Variants in LZTS1 observed in about 807,000 individuals in gnomAD.
LZTS1 encodes leucine zipper tumor suppressor 1.
In LZTS1, 31 loss-of-function variants were observed where a neutral mutation model predicts 45.8. The observed-to-expected ratio is 0.68, with a 90% CI of 0.51 to 0.91. The LOEUF is 0.91. Ranked by LOEUF, LZTS1 falls within the 40% of genes least tolerant of loss-of-function variation. LZTS1 has a pLI of 0.00. For synonymous variants in LZTS1, 359 were observed against 357.3 expected (o/e 1.00, Z -0.05); for missense variants, 821 against 788.9 (o/e 1.04, Z -0.49).
chr8:20,265,594 G>C (rs1800336769), intron 1 of LZTS1, among the ~76,000 whole-genome samples: 1 of 139,544 alleles, frequency 7.2e-6, no homozygotes, highest in South Asian at 2.3e-4. Context: ...TGGGAGGATT[G>C]CTTCAGGCTA....
chr8:20,297,298 T>C (rs1344231537), intron 1 of LZTS1, among the ~76,000 whole-genome samples: 3 of 152,214 alleles, frequency 2.0e-5, no homozygotes, highest in Non-Finnish European at 4.4e-5. Context: ...GGACTAAACC[T>C]TTTGAATTGA....
At chr8:20,301,594 G>C (rs918275786) in intron 1 of LZTS1, among the ~76,000 whole-genome samples, 1 of 152,074 alleles carries the variant, frequency 6.6e-6, no homozygotes, top group Non-Finnish European at 1.5e-5. Context: ...AAGCGCAAAG[G>C]CATATAAATA....
chr8:20,273,779 T>G (rs375862067), intron 1 of LZTS1, among the ~76,000 whole-genome samples: 1 of 140,954 alleles, frequency 7.1e-6, no homozygotes, highest in African/African-American at 3.2e-5. Flanking sequence ...GTTATATTTG[T>G]TTTTTTTTTT....
At position 20,247,940 on chromosome 8, in the gene LZTS1, T is replaced by C. The variant is rs1389550263; in HGVS notation, c.*1782A>G. ...CTGAGAACAGCAGCTGTGGCTACAG[T>C]CAAAAATAGAACATGGAACAGCCTG... On this transcript the variant is annotated 3_prime_UTR_variant, in exon 4 of 4. Coordinates refer to ENST00000381569, the MANE Select transcript of LZTS1 (RefSeq NM_021020.5). 6.6e-6 allele frequency: 1 copy of C among 152,416 alleles called. No individual in the cohort carries two copies. Among genetic ancestry groups the C allele is most frequent in the African/African-American group, 2.4e-5 (1 of 41,348 alleles). The allele number at this position is 152,416 out of a possible 1,614,324, so 9.4% of individuals were successfully genotyped here. A position where few individuals can be genotyped will look rare whatever the true frequency, so the allele number is the denominator to read the frequency against.
rs79261349 is a variant in LZTS1, at chr8:20,262,392, G to T, written c.-134-7077C>A. Among the ~76,000 whole-genome samples, 21 of 152,322 alleles carry T rather than the reference G, an allele frequency of 1.4e-4. No individual in the cohort carries two copies. The East Asian group carries it at 4.1e-3, about 29-fold the overall frequency. On this transcript the variant is annotated intron_variant, in intron 1 of 3. Coordinates refer to ENST00000381569, the MANE Select transcript of LZTS1 (RefSeq NM_021020.5). Reference sequence around the variant, plus strand: ...TATATTTAGTGAATGGTAGATAAAAGCCAGAGAGACAGGGAGGACAGGTGT... The same window carrying T: ...TATATTTAGTGAATGGTAGATAAAATCCAGAGAGACAGGGAGGACAGGTGT...
In LZTS1 at chr8:20,255,064, C is replaced by G; in HGVS notation, c.118G>C (p.Gly40Arg). Reference protein sequence around the residue: ...HLKKLNRYSDGLLRFGFSQDS... With the variant: ...HLKKLNRYSDRLLRFGFSQDS... Reference sequence around the variant, plus strand: ...TGGGAGAAGCCAAACCTCAGCAGCCCGTCGGAATACCGGTTGAGCTTCTTG... The same window carrying G: ...TGGGAGAAGCCAAACCTCAGCAGCCGGTCGGAATACCGGTTGAGCTTCTTG... Residue 40 changes from glycine (G) to arginine (R), a missense_variant, in exon 2 of 4, where the codon GGG (glycine) becomes CGG (arginine). Coordinates refer to ENST00000381569, the MANE Select transcript of LZTS1 (RefSeq NM_021020.5). 6.2e-7 allele frequency: 1 copy of G among 1,614,162 alleles called. No individual in the cohort carries two copies. Among genetic ancestry groups the G allele is most frequent in the African/African-American group, 1.3e-5 (1 of 75,022 alleles).
chr8:20,264,386 G>A (rs1049108443), intron 1 of LZTS1, among the ~76,000 whole-genome samples: 5 of 152,090 alleles, frequency 3.3e-5, no homozygotes, highest in African/African-American at 1.2e-4. Context: ...TTTATTGGGG[G>A]TCTCAGAAGC....
chr8:20,284,659 C>A (rs552445459), intron 1 of LZTS1, among the ~76,000 whole-genome samples: 1 of 152,058 alleles, frequency 6.6e-6, no homozygotes, highest in African/African-American at 2.4e-5. Flanking sequence ...CTGTGGTTCT[C>A]GCCTCTGCAT....
chr8:20,268,468 G>A (rs1032537865), intron 1 of LZTS1, among the ~76,000 whole-genome samples: 14 of 151,648 alleles, frequency 9.2e-5, no homozygotes, highest in African/African-American at 3.2e-4. Context: ...TCCTCCTCCT[G>A]TTTGTATTCC....
At chr8:20,255,608 G>A (rs1030387094) in intron 1 of LZTS1, among the ~76,000 whole-genome samples, 14 of 152,184 alleles carry the variant, frequency 9.2e-5, no homozygotes, top group African/African-American at 3.4e-4. Context: ...GAGGCCAGAA[G>A]CAAACCAATG....
At chr8:20,260,802 G>A (rs778685419) in intron 1 of LZTS1, among the ~76,000 whole-genome samples, 1 of 152,226 alleles carries the variant, frequency 6.6e-6, no homozygotes, top group Non-Finnish European at 1.5e-5. Flanking sequence ...GCCACCTCCA[G>A]TCCTCCTGAG....
At position 20,249,216 on chromosome 8, in the gene LZTS1, C is replaced by T. The variant is rs1317083629; in HGVS notation, c.*506G>A. On this transcript the variant is annotated 3_prime_UTR_variant, in exon 4 of 4. Coordinates refer to ENST00000381569, the MANE Select transcript of LZTS1 (RefSeq NM_021020.5). ...TTTCAAAGCCAGCTTCCCCGCGGCT[C>T]ATTCCACCCCTACACCTCTGCGGCC... The T allele has an allele frequency of 6.5e-6, 1 of 154,586 alleles. No homozygotes were observed. The highest frequency in any genetic ancestry group is 2.4e-5 in the African/African-American group (1 of 41,492). The allele number at this position is 154,586 out of a possible 1,614,324, so 9.6% of individuals were successfully genotyped here. A position where few individuals can be genotyped will look rare whatever the true frequency, so the allele number is the denominator to read the frequency against.
At chr8:20,252,713 CAGA>C in intron 3 of LZTS1, 66 bp downstream of exon 3, 2 of 1,407,422 alleles carry the variant, frequency 1.4e-6, no homozygotes, top group South Asian at 1.6e-5. Flanking sequence ...TGGCCGGCAC[CAGA>C]AGGAGAGGGG....
chr8:20,280,332 CCT>C (rs1050341405), intron 1 of LZTS1, among the ~76,000 whole-genome samples: 2 of 152,160 alleles, frequency 1.3e-5, no homozygotes, highest in African/African-American at 4.8e-5. Flanking sequence ...GCGTAACAGT[CCT>C]CTCTCATTCT....
At chr8:20,254,780 A>C in intron 2 of LZTS1, 57 bp downstream of exon 2, 2 of 1,407,982 alleles carry the variant, frequency 1.4e-6, no homozygotes, top group South Asian at 1.4e-5. Context: ...CTCCACCCCC[A>C]TTTTGCTTTC....
chr8:20,295,925 C>A (rs1241559055), intron 1 of LZTS1, among the ~76,000 whole-genome samples: 2 of 152,174 alleles, frequency 1.3e-5, no homozygotes, highest in Non-Finnish European at 2.9e-5. Flanking sequence ...TGTTTCCCTG[C>A]CTCCTTCACG....
At chr8:20,278,179 G>C (rs1313063182) in intron 1 of LZTS1, among the ~76,000 whole-genome samples, 1 of 152,202 alleles carries the variant, frequency 6.6e-6, no homozygotes, top group Non-Finnish European at 1.5e-5. Flanking sequence ...TGAAGCTGGT[G>C]ATCAGCAGCT....
chr8:20,297,871 A>G (rs543273592), intron 1 of LZTS1, among the ~76,000 whole-genome samples: 1 of 152,260 alleles, frequency 6.6e-6, no homozygotes, highest in Admixed American at 6.5e-5. Flanking sequence ...GCATTCTTAT[A>G]ATTTTAAAAA....
At chr8:20,290,142 C>T (rs560417036) in intron 1 of LZTS1, 8 of 152,174 alleles carry the variant, frequency 5.3e-5, no homozygotes, top group South Asian at 2.1e-4. Flanking sequence ...CCTTCTCCAC[C>T]GCAGACACCA....
Sources: gnomAD v4.1 joint callset for allele counts (sites outside exome capture counted in the v4.1 genomes callset) on GRCh38, gnomAD v4.1.1 for gene constraint, MANE v1.5 for transcripts, NCBI Gene and HGNC (gene_info 2026-07-23, HGNC 2026-07-21) for gene names.